The following NOS1AP variants were observed in gnomAD, a reference collection of about 807,000 sequenced individuals.
The protein encoded by NOS1AP is nitric oxide synthase 1 adaptor protein, also known as carboxyl-terminal PDZ ligand of neuronal nitric oxide synthase protein.
Under a neutral mutation model 56.2 loss-of-function variants are expected in NOS1AP, and 21 were observed. The observed-to-expected ratio is 0.37, with a 90% confidence interval of 0.26 to 0.54. The LOEUF (loss-of-function observed/expected upper bound fraction) is 0.54, where lower values mean the gene tolerates loss of function less well. NOS1AP is among the 20% of genes least tolerant of loss of function. The probability of loss-of-function intolerance (pLI) is 0.84; values close to 1 mark genes in which losing one functional copy is unlikely to be tolerated. For missense variants in NOS1AP, 522 were observed against 657.8 expected (o/e 0.79, Z 2.26); for synonymous variants, 270 against 274.6 (o/e 0.98, Z 0.17).
chr1:162,103,954 G>A (rs188049429), intron 1 of NOS1AP, among the ~76,000 whole-genome samples: 326 of 152,264 alleles, frequency 2.1e-3, no homozygotes, highest in Non-Finnish European at 2.8e-3. Flanking sequence ...TCATCATGAC[G>A]CTAACTGGTT....
chr1:162,270,715 G>A (rs551813504), intron 2 of NOS1AP, among the ~76,000 whole-genome samples: 6 of 152,312 alleles, frequency 3.9e-5, no homozygotes, highest in South Asian at 4.1e-4. Context: ...ATATTGTAGC[G>A]TAGTATTTTA....
chr1:162,307,286 G>T (rs1005912737), intron 4 of NOS1AP, among the ~76,000 whole-genome samples: 4 of 152,138 alleles, frequency 2.6e-5, no homozygotes, highest in African/African-American at 7.2e-5. Flanking sequence ...TTAGTCCCTA[G>T]GCTGTTTATG....
intron 1 of NOS1AP, among the ~76,000 whole-genome samples, chr1:162,127,799 C>T (rs765403203): frequency 4.6e-5 from 7 of 152,136 alleles, no homozygotes; most frequent in Non-Finnish European, 1.0e-4. Context: ...AAACCCATTC[C>T]CATGATCCAG....
chr1:162,330,549 C>A (rs984117701), intron 4 of NOS1AP, among the ~76,000 whole-genome samples: 5 of 152,178 alleles, frequency 3.3e-5, no homozygotes, highest in African/African-American at 1.2e-4. Flanking sequence ...TTCTGCAGGC[C>A]TGTGTAGGTC....
chr1:162,246,193 AT>A (rs1653656881), intron 2 of NOS1AP, among the ~76,000 whole-genome samples: 1 of 152,200 alleles, frequency 6.6e-6, no homozygotes, highest in Non-Finnish European at 1.5e-5. Context: ...TGTAGAATCC[AT>A]TTTTTATTTA....
chr1:162,252,145 C>T (rs1653882689), intron 2 of NOS1AP, among the ~76,000 whole-genome samples: 2 of 152,104 alleles, frequency 1.3e-5, no homozygotes, highest in South Asian at 4.2e-4. Context: ...CTCACAGGTC[C>T]AAATGATCTT....
At chr1:162,136,288 T>G (rs1015646838) in intron 1 of NOS1AP, among the ~76,000 whole-genome samples, 2 of 152,156 alleles carry the variant, frequency 1.3e-5, no homozygotes, top group Admixed American at 6.5e-5. Flanking sequence ...TATTTATTTA[T>G]TTTTTAATGT....
chr1:162,165,519 C>T (rs1055965097), intron 2 of NOS1AP, among the ~76,000 whole-genome samples: 21 of 152,128 alleles, frequency 1.4e-4, no homozygotes, highest in Non-Finnish European at 2.9e-4. Context: ...GATGAGGAAA[C>T]TGAGGTACCA....
chr1:162,257,506 G>A (rs1654071107), intron 2 of NOS1AP, among the ~76,000 whole-genome samples: 1 of 151,994 alleles, frequency 6.6e-6, no homozygotes, highest in Non-Finnish European at 1.5e-5. Flanking sequence ...AAAATTAGCT[G>A]GGTGTGGTGG....
chr1:162,309,784 G>A (rs1655964889), intron 4 of NOS1AP, among the ~76,000 whole-genome samples: 2 of 152,272 alleles, frequency 1.3e-5, no homozygotes, highest in Non-Finnish European at 2.9e-5. Flanking sequence ...TTTAAAAAGA[G>A]GAGCTAGTAA....
intron 4 of NOS1AP, among the ~76,000 whole-genome samples, chr1:162,332,524 G>A (rs1030088577): frequency 2.0e-5 from 3 of 152,152 alleles, no homozygotes; most frequent in Non-Finnish European, 4.4e-5. Context: ...CAGGCAGAGA[G>A]GGGACAGAGA....
intron 1 of NOS1AP, among the ~76,000 whole-genome samples, chr1:162,132,275 G>A (rs1648785392): frequency 6.6e-6 from 1 of 152,184 alleles, no homozygotes; most frequent in Non-Finnish European, 1.5e-5. Context: ...GGAAGGTGAC[G>A]CACATTGGAG....
intron 5 of NOS1AP, among the ~76,000 whole-genome samples, chr1:162,336,748 T>A (rs923485716): frequency 3.3e-5 from 5 of 152,246 alleles, no homozygotes; most frequent in African/African-American, 9.6e-5. Flanking sequence ...TGAGCCTTTC[T>A]GGACTTGAGT....
chr1:162,143,914 CT>C (rs1246872527), intron 1 of NOS1AP, among the ~76,000 whole-genome samples: 3 of 152,204 alleles, frequency 2.0e-5, no homozygotes, highest in Non-Finnish European at 2.9e-5. Flanking sequence ...TGCTTTCGTT[CT>C]TCATGTGAAG....
chr1:162,195,892 A>G (rs908317149), intron 2 of NOS1AP, among the ~76,000 whole-genome samples: 2 of 152,198 alleles, frequency 1.3e-5, no homozygotes, highest in African/African-American at 4.8e-5. Context: ...AAGTCATAAT[A>G]TCGTTGATTG....
intron 2 of NOS1AP, among the ~76,000 whole-genome samples, chr1:162,217,585 A>G (rs143637329): frequency 0.015 from 2,347 of 152,122 alleles, 42 homozygotes; most frequent in Non-Finnish European, 0.021. Flanking sequence ...CTTTTTGTTC[A>G]AGCACTGGTG....
rs1469857487 is a variant in NOS1AP at position 162,368,307 on chromosome 1, C to T, written c.*840C>T. 6.6e-6 allele frequency: 1 copy of T among 152,344 alleles called. No homozygotes were observed. The highest frequency in any genetic ancestry group is 2.4e-5 in the African/African-American group (1 of 41,400). 9.4% of individuals were successfully genotyped at this position (152,344 alleles called of 1,614,324 possible). A position where few individuals can be genotyped will look rare whatever the true frequency, so the allele number is the denominator to read the frequency against. On this transcript the variant is annotated 3_prime_UTR_variant, in exon 10 of 10. Transcript: ENST00000361897. Reference sequence around the variant, plus strand: ...AATGGAAGCTGGGAATTGCCCCTCACCTCCCCTGTGTCCTGTCCAGCTGAA... The same window carrying T: ...AATGGAAGCTGGGAATTGCCCCTCATCTCCCCTGTGTCCTGTCCAGCTGAA...
chr1:162,110,276 G>A (rs890993621), intron 1 of NOS1AP, among the ~76,000 whole-genome samples: 2 of 128,146 alleles, frequency 1.6e-5, no homozygotes, highest in African/African-American at 8.4e-5. Context: ...CACTGTGCCT[G>A]TCTGGGCACA....
chr1:162,294,196 T>TAGG (rs1655369090), intron 3 of NOS1AP, among the ~76,000 whole-genome samples: 1 of 88,206 alleles, frequency 1.1e-5, no homozygotes, highest in African/African-American at 3.1e-5. Flanking sequence ...AGGAAGGAAG[T>TAGG]AAGGAAGGAA....
Sources: gnomAD v4.1 joint callset for allele counts (sites outside exome capture counted in the v4.1 genomes callset) on GRCh38, gnomAD v4.1.1 for gene constraint, MANE v1.5 for transcripts, NCBI Gene and HGNC (gene_info 2026-07-23, HGNC 2026-07-21) for gene names.